Variants in MYO16 observed in about 807,000 individuals in gnomAD.
MYO16 encodes myosin XVI, also known as unconventional myosin-XVI.
A neutral mutation model predicts 205.3 loss-of-function variants in MYO16; 94 were observed. The observed-to-expected ratio is 0.46, with a 90% CI of 0.39 to 0.54. MYO16 has a LOEUF of 0.54. Ranked by LOEUF, MYO16 falls within the 20% of genes least tolerant of loss-of-function variation. MYO16 has a pLI of 0.00. For missense variants in MYO16, 2,315 were observed against 2,387.5 expected (o/e 0.97, Z 0.63); for synonymous variants, 988 against 954.0 (o/e 1.04, Z -0.66).
intron 14 of MYO16, among the ~76,000 whole-genome samples, chr13:108,890,046 C>T (rs889062707): frequency 1.3e-5 from 2 of 151,936 alleles, no homozygotes; most frequent in South Asian, 4.2e-4. Context: ...ATCCTCCCAC[C>T]TCATCCTTCC....
At chr13:108,707,463 G>A (rs1405280671) in intron 2 of MYO16, among the ~76,000 whole-genome samples, 2 of 152,138 alleles carry the variant, frequency 1.3e-5, no homozygotes, top group Admixed American at 6.5e-5. Flanking sequence ...TGAGGGTCGA[G>A]GGTCATTGCC....
intron 6 of MYO16, among the ~76,000 whole-genome samples, chr13:108,799,512 G>A (rs1327123108): frequency 6.6e-6 from 1 of 152,176 alleles, no homozygotes; most frequent in African/African-American, 2.4e-5. Flanking sequence ...TGCTGCAACC[G>A]AACAGTGATA....
chr13:108,540,184 G>A, the MYO16 span, among the ~76,000 whole-genome samples: 1 of 152,090 alleles, frequency 6.6e-6, no homozygotes, highest in Non-Finnish European at 1.5e-5. Flanking sequence ...TGTAATGAAG[G>A]ACACTGGTAG....
At chr13:108,808,892 C>T (rs1284567109) in intron 7 of MYO16, among the ~76,000 whole-genome samples, 2 of 152,152 alleles carry the variant, frequency 1.3e-5, no homozygotes, top group African/African-American at 4.8e-5. Flanking sequence ...TCACTTCTTT[C>T]AGAAACCTTC....
chr13:108,711,479 G>A (rs568500463), intron 2 of MYO16, among the ~76,000 whole-genome samples: 37 of 152,354 alleles, frequency 2.4e-4, no homozygotes, highest in African/African-American at 8.9e-4. Context: ...GCGTGGCCAG[G>A]ATGCACGGGG....
rs189755768 is a variant in MYO16 at position 108,879,449 on chromosome 13, G to T, written c.1426-3610G>T. 6.6e-5 allele frequency among the ~76,000 whole-genome samples: 10 copies of T among 152,012 alleles called. 1 individual carries two copies. The East Asian group carries it at 1.9e-3, about 29-fold the overall frequency. On this transcript the variant is annotated intron_variant, in intron 12 of 34. Coordinates refer to ENST00000457511, the MANE Select transcript of MYO16 (RefSeq NM_001198950.3). The stretch of plus-strand genomic sequence containing the variant: ...ACATATGTATATATGTGCCATGTTG[G>T]TGTGCTGCACCCGTTAATTCATCAT...
chr13:108,522,343 C>T, the MYO16 span, among the ~76,000 whole-genome samples: 6 of 152,298 alleles, frequency 3.9e-5, no homozygotes, highest in East Asian at 1.2e-3. Context: ...AACTAAATTA[C>T]ATTTAACATG....
chr13:108,903,568 G>A (rs1290497585), intron 15 of MYO16, among the ~76,000 whole-genome samples: 1 of 152,086 alleles, frequency 6.6e-6, no homozygotes, highest in Non-Finnish European at 1.5e-5. Context: ...GAGTAACAGA[G>A]ATCTATTGTA....
intron 4 of MYO16, among the ~76,000 whole-genome samples, chr13:108,749,608 G>A (rs4772992): frequency 0.45 from 68,281 of 151,974 alleles, 15,486 homozygotes; most frequent in East Asian, 0.55. Flanking sequence ...GACAAAACAA[G>A]GCCAAACCAA....
At chr13:108,709,669 A>G (rs989316736) in intron 2 of MYO16, among the ~76,000 whole-genome samples, 1 of 135,774 alleles carries the variant, frequency 7.4e-6, no homozygotes, top group African/African-American at 2.7e-5. Flanking sequence ...TATTACACAA[A>G]TGATATTTTC....
At chr13:108,592,610 G>A (rs1878433430), upstream of MYO16, among the ~76,000 whole-genome samples, 1 of 149,784 alleles carries the variant, frequency 6.7e-6, no homozygotes, top group African/African-American at 2.5e-5. Context: ...GGTATGTAGG[G>A]GTGTGGAGGG....
At chr13:108,976,752 T>G (rs775354816) in intron 20 of MYO16, among the ~76,000 whole-genome samples, 3 of 152,210 alleles carry the variant, frequency 2.0e-5, no homozygotes, top group Non-Finnish European at 4.4e-5. Flanking sequence ...ATCCCGACTT[T>G]TCTTTGTCCA....
the MYO16 span, among the ~76,000 whole-genome samples, chr13:108,500,472 C>G: frequency 6.6e-6 from 1 of 152,002 alleles, no homozygotes. Context: ...TCGTGATCCA[C>G]TCGCCTCGGC....
At chr13:108,650,644 C>A (rs1880958802) in intron 1 of MYO16, among the ~76,000 whole-genome samples, 1 of 152,278 alleles carries the variant, frequency 6.6e-6, no homozygotes, top group South Asian at 2.1e-4. Context: ...GAGAACTTCT[C>A]TTTTGGGATA....
intron 27 of MYO16, among the ~76,000 whole-genome samples, chr13:109,091,415 T>C (rs910195371): frequency 1.3e-5 from 2 of 152,220 alleles, no homozygotes; most frequent in African/African-American, 2.4e-5. Context: ...AAAGCACTCA[T>C]TGATTCTATT....
chr13:108,772,015 G>C (rs187103798), intron 4 of MYO16, among the ~76,000 whole-genome samples: 27 of 152,274 alleles, frequency 1.8e-4, no homozygotes, highest in Non-Finnish European at 2.8e-4. Flanking sequence ...AAATACCAAG[G>C]GGCATGATTT....
intron 27 of MYO16, among the ~76,000 whole-genome samples, chr13:109,083,998 G>A (rs984766158): frequency 1.4e-4 from 22 of 152,134 alleles, no homozygotes; most frequent in African/African-American, 5.1e-4. Context: ...GCTTAAAGTT[G>A]ATCCATTTTG....
chr13:108,579,898 C>T, the MYO16 span, among the ~76,000 whole-genome samples: 4 of 152,248 alleles, frequency 2.6e-5, no homozygotes, highest in East Asian at 7.7e-4. Flanking sequence ...ACTGCTATTA[C>T]AATGACTGCT....
At chr13:109,144,097 C>T (rs1877222642) in intron 32 of MYO16, among the ~76,000 whole-genome samples, 1 of 151,560 alleles carries the variant, frequency 6.6e-6, no homozygotes, top group African/African-American at 2.4e-5. Context: ...TGACTGCAGC[C>T]TCTGCCTTCC....
Sources: gnomAD v4.1 joint callset for allele counts (sites outside exome capture counted in the v4.1 genomes callset) on GRCh38, gnomAD v4.1.1 for gene constraint, MANE v1.5 for transcripts, NCBI Gene and HGNC (gene_info 2026-07-23, HGNC 2026-07-21) for gene names.